COL4A5: variants seen among roughly 807,000 people sequenced by gnomAD.
COL4A5 encodes the protein collagen type IV alpha 5 chain, also known as collagen alpha-5(IV) chain.
In COL4A5, 26 loss-of-function variants were observed where a neutral mutation model predicts 130.2. The ratio of observed to expected loss-of-function variants is 0.20; its 90% confidence interval spans 0.15 to 0.28. The LOEUF is 0.28. Among genes scored for constraint, COL4A5 ranks in the 10% least tolerant of loss-of-function variants. COL4A5 has a pLI of 1.00. For missense variants in COL4A5, 1,131 were observed against 1,344.3 expected, an observed-to-expected ratio of 0.84 and a Z score of 2.48; for synonymous variants, 496 against 439.6, an observed-to-expected ratio of 1.13 and a Z score of -1.60.
intron 30 of COL4A5, among the ~76,000 whole-genome samples, chrX:108,616,434 C>T (rs2066928752): frequency 9.0e-6 from 1 of 110,747 alleles, no homozygotes; most frequent in African/African-American, 3.3e-5. Context: ...CAGGGTTTCA[C>T]CATGTTGACC....
intron 2 of COL4A5, among the ~76,000 whole-genome samples, chrX:108,546,603 C>T (rs1344086988): frequency 9.0e-6 from 1 of 110,702 alleles, no homozygotes; most frequent in Non-Finnish European, 1.9e-5. Context: ...TTGCTCTTCT[C>T]GAGGAGTATC....
rs756445105 is a variant in COL4A5 at position 108,604,889 on chromosome X, G to A, written c.2244+1828G>A. On this transcript the variant is annotated intron_variant, in intron 28 of 52. Transcript: ENST00000328300. Reference sequence around the variant, plus strand: ...GACAGCTTCTTCCCTTAAACCTCACGAACCAGCTTCTGCTAGCTTCCAACT... The same window carrying A: ...GACAGCTTCTTCCCTTAAACCTCACAAACCAGCTTCTGCTAGCTTCCAACT... 2.7e-4 allele frequency among the ~76,000 whole-genome samples: 30 copies of A among 111,684 alleles called. No individual in the cohort carries two copies. The South Asian group carries it at 3.0e-3, about 11-fold the overall frequency.
At chrX:108,665,783 G>A (rs746948559) in intron 38 of COL4A5, among the ~76,000 whole-genome samples, 196 bp downstream of exon 38, 25 of 112,431 alleles carry the variant, frequency 2.2e-4, no homozygotes, top group Non-Finnish European at 4.7e-4. Context: ...GGGCACAGTG[G>A]CTCACGCCTG....
At chrX:108,586,807 T>C in intron 19 of COL4A5, 60 bp downstream of exon 19, 3 of 1,122,726 alleles carry the variant, frequency 2.7e-6, no homozygotes, top group Non-Finnish European at 2.5e-6. Flanking sequence ...CCATGTATAC[T>C]TTTTATCACA....
chrX:108,475,263 C>T (rs754251204), intron 1 of COL4A5, among the ~76,000 whole-genome samples: 4 of 111,074 alleles, frequency 3.6e-5, no homozygotes, highest in African/African-American at 1.3e-4. Flanking sequence ...TTATACATTT[C>T]AGTGTACCTG....
At chrX:108,584,643 C>A in intron 18 of COL4A5, 118 bp downstream of exon 18, 2 of 607,857 alleles carry the variant, frequency 3.3e-6, no homozygotes, top group Non-Finnish European at 2.6e-6. Flanking sequence ...AAGTCATTAT[C>A]AATTTCTACT....
intron 1 of COL4A5, among the ~76,000 whole-genome samples, chrX:108,471,246 A>AT (rs1273349195): frequency 8.9e-6 from 1 of 112,169 alleles, no homozygotes; most frequent in Non-Finnish European, 1.9e-5. Context: ...CAGTATGGCC[A>AT]TTTTAACGAT....
At chrX:108,690,056 A>G in intron 49 of COL4A5, 1 of 743,915 alleles carries the variant, frequency 1.3e-6, no homozygotes, top group Non-Finnish European at 1.6e-6. Flanking sequence ...CAAATTAGGC[A>G]GTAGAATAGG....
chrX:108,524,056 T>G (rs1603263707), intron 1 of COL4A5, among the ~76,000 whole-genome samples: 1 of 111,672 alleles, frequency 9.0e-6, no homozygotes, highest in South Asian at 3.8e-4. Flanking sequence ...ATGTGATTAT[T>G]TCACATTGCA....
intron 2 of COL4A5, 140 bp downstream of exon 2, chrX:108,539,945 A>C (rs1380605497): frequency 9.6e-6 from 5 of 519,735 alleles, no homozygotes; most frequent in Non-Finnish European, 1.6e-5. Context: ...TATTTTAGAG[A>C]GCTTATAAGG....
At chrX:108,529,750 A>G (rs1319161050) in intron 1 of COL4A5, among the ~76,000 whole-genome samples, 1 of 111,075 alleles carries the variant, frequency 9.0e-6, no homozygotes, top group Non-Finnish European at 1.9e-5. Flanking sequence ...GTAAGCAGGA[A>G]TAGCTATACC....
Position 108,563,886 on chromosome X carries a change from A to T in COL4A5, c.236A>T (p.Asp79Val), listed in dbSNP as rs775277548. Reference sequence around the variant, plus strand: ...TAAAAATATTGCATTTTTCAGGGTGATGATGGAATTCCAGGGCCACCAGGA... The same window carrying T: ...TAAAAATATTGCATTTTTCAGGGTGTTGATGGAATTCCAGGGCCACCAGGA... ...GPPGPRGQKG[D>V]DGIPGPPGPK... The change falls in exon 4 of 53, where the codon GAT becomes GTT. Residue 79 changes from aspartate (D) to valine (V), a missense_variant. Transcript: ENST00000328300. 2.5e-6 allele frequency: 3 copies of T among 1,207,692 alleles called. No individual in the cohort carries two copies. The highest frequency in any genetic ancestry group is 3.4e-6 in the Non-Finnish European group (3 of 892,632).
chrX:108,600,591 AG>A (rs2066609867), intron 25 of COL4A5, among the ~76,000 whole-genome samples: 1 of 111,013 alleles, frequency 9.0e-6, no homozygotes, highest in Non-Finnish European at 1.9e-5. Flanking sequence ...ACCCTGTTTT[AG>A]GGGTTTCCAG....
At chrX:108,473,633 A>ATATATATATATATATAT in intron 1 of COL4A5, among the ~76,000 whole-genome samples, 35 of 34,542 alleles carry the variant, frequency 1.0e-3, no homozygotes, top group South Asian at 1.3e-3. Flanking sequence ...ATATATATAT[A>ATATATATATATATATAT]TTTTTTTTTT....
At chrX:108,645,070 G>T (rs1250893340) in intron 36 of COL4A5, among the ~76,000 whole-genome samples, 1 of 110,470 alleles carries the variant, frequency 9.1e-6, no homozygotes, top group Non-Finnish European at 1.9e-5. Flanking sequence ...ATACAGCAAA[G>T]GTGGTGCAAA....
At chrX:108,529,439 T>C (rs754866231) in intron 1 of COL4A5, among the ~76,000 whole-genome samples, 20 of 111,201 alleles carry the variant, frequency 1.8e-4, no homozygotes, top group Non-Finnish European at 2.1e-4. Flanking sequence ...GGTAACACTA[T>C]AGCAATCTAC....
At chrX:108,621,946 C>A (rs1231996272) in intron 32 of COL4A5, 54 bp downstream of exon 32, 1 of 864,858 alleles carries the variant, frequency 1.2e-6, no homozygotes, top group Non-Finnish European at 1.7e-6. Context: ...TTAAATATAG[C>A]TTTATGTCAG....
intron 37 of COL4A5, among the ~76,000 whole-genome samples, chrX:108,661,143 C>T (rs1325349213): frequency 9.0e-6 from 1 of 111,507 alleles, no homozygotes; most frequent in Non-Finnish European, 1.9e-5. Flanking sequence ...TTTATATGTT[C>T]ACACGATGAC....
chrX:108,481,022 C>T (rs2064884590), intron 1 of COL4A5, among the ~76,000 whole-genome samples: 1 of 111,915 alleles, frequency 8.9e-6, no homozygotes, highest in Admixed American at 9.5e-5. Flanking sequence ...GTTCTGCCAG[C>T]TGCCAAGTAT....
Sources: allele counts gnomAD v4.1 joint callset (sites outside exome capture counted in the v4.1 genomes callset), GRCh38; gene constraint gnomAD v4.1.1; transcripts MANE v1.5; gene names NCBI Gene and HGNC (gene_info 2026-07-23, HGNC 2026-07-21).